The following PAPPA variants were observed in gnomAD, a reference collection of about 807,000 sequenced individuals.
PAPPA encodes the protein pappalysin-1.
In PAPPA, 60 loss-of-function variants were observed where a neutral mutation model predicts 164.0. That is an observed-to-expected ratio of 0.37 (90% CI 0.30 to 0.45). PAPPA has a LOEUF of 0.45. Ranked by LOEUF, PAPPA falls within the 20% of genes least tolerant of loss-of-function variation. PAPPA has a pLI of 1.00. For synonymous variants in PAPPA, 875 were observed against 814.1 expected (o/e 1.07, Z -1.27); for missense variants, 1,782 against 2,087.3 (o/e 0.85, Z 2.85).
chr9:116,162,184 G>A (rs1021612846), intron 1 of PAPPA, among the ~76,000 whole-genome samples: 10 of 152,206 alleles, frequency 6.6e-5, no homozygotes, highest in Admixed American at 3.3e-4. Flanking sequence ...TCTGCAATAA[G>A]AAGCTTTTGA....
At chr9:116,297,438 C>G (rs7021950) in intron 9 of PAPPA, among the ~76,000 whole-genome samples, 6,924 of 152,178 alleles carry the variant, frequency 0.045, 294 homozygotes, top group African/African-American at 0.11. Context: ...TGAGAAGACA[C>G]GAATAATTTA....
At chr9:116,342,640 A>G (rs1167475761) in intron 13 of PAPPA, among the ~76,000 whole-genome samples, 1 of 152,180 alleles carries the variant, frequency 6.6e-6, no homozygotes, top group East Asian at 1.9e-4. Context: ...CGTGAAACTG[A>G]GAGAAAACAA....
intron 9 of PAPPA, chr9:116,286,948 A>C (rs1325183182): frequency 6.6e-6 from 1 of 152,148 alleles, no homozygotes; most frequent in Non-Finnish European, 1.5e-5. Context: ...TAATTAGTGA[A>C]GAGCCAGGTT....
At chr9:116,376,489 C>T (rs542096863) in intron 19 of PAPPA, among the ~76,000 whole-genome samples, 1 of 152,234 alleles carries the variant, frequency 6.6e-6, no homozygotes, top group South Asian at 2.1e-4. Context: ...ATCCTGGTTT[C>T]TCCACCAAAC....
At chr9:116,285,884 G>C (rs1222432164) in intron 9 of PAPPA, 1 of 152,146 alleles carries the variant, frequency 6.6e-6, no homozygotes, top group Non-Finnish European at 1.5e-5. Context: ...GAGCTTTGCT[G>C]GTCTTTAGAG....
intron 20 of PAPPA, among the ~76,000 whole-genome samples, chr9:116,379,133 C>G (rs1341507358): frequency 2.0e-5 from 3 of 152,222 alleles, no homozygotes; most frequent in Admixed American, 6.5e-5. Flanking sequence ...TTGGACTCAG[C>G]AGTGAGACCC....
At chr9:116,219,531 G>A (rs1430006956) in intron 4 of PAPPA, among the ~76,000 whole-genome samples, 1 of 152,136 alleles carries the variant, frequency 6.6e-6, no homozygotes, top group Non-Finnish European at 1.5e-5. Context: ...ATGAATGAAT[G>A]AATGAATGAG....
At chr9:116,224,093 C>G (rs1362944591) in intron 5 of PAPPA, among the ~76,000 whole-genome samples, 1 of 152,156 alleles carries the variant, frequency 6.6e-6, no homozygotes, top group African/African-American at 2.4e-5. Context: ...AACCTCTCGC[C>G]CCTGGCCATC....
At chr9:116,195,427 G>T in intron 2 of PAPPA, among the ~76,000 whole-genome samples, 1 of 152,202 alleles carries the variant, frequency 6.6e-6, no homozygotes, top group Admixed American at 6.5e-5. Context: ...AACAGTAGAA[G>T]ATCAATACAG....
chr9:116,347,117 A>T lies in PAPPA; in HGVS notation c.3872A>T (p.His1291Leu), dbSNP rs780157930. 6.2e-7 allele frequency: 1 copy of T among 1,614,036 alleles called. No individual in the cohort carries two copies. The highest frequency in any genetic ancestry group is 2.2e-5 in the East Asian group (1 of 44,892). ...GTCGACTGCAGCATCCCAGATCACC[A>T]TCAAGTCTATGCTGCCTCCTTCTCC... is the stretch of plus-strand genomic sequence containing the variant. ...EPVDCSIPDH[H>L]QVYAASFSCP... The change falls in exon 15 of 22, where the codon CAT becomes CTT. Residue 1291 changes from histidine (H) to leucine (L), a missense_variant. By Grantham distance (99) the His-to-Leu change is moderately conservative. Coordinates refer to ENST00000328252, the MANE Select transcript of PAPPA (RefSeq NM_002581.5). This position sits in a 1 kb window ranked among gnomAD's most constrained non-coding sequence, Gnocchi z 4.5.
chr9:116,265,939 A>G lies in PAPPA; in HGVS notation c.2815A>G (p.Thr939Ala), dbSNP rs766202163. ...AGAGAGTGAGCCATCACCTGCTGTCACATACATCCATGGAAGTGGGTACTG... is the reference window on the plus strand; with the variant it reads ...AGAGAGTGAGCCATCACCTGCTGTCGCATACATCCATGGAAGTGGGTACTG... ...TEESEPSPAV[T>A]YIHGSGYCGD... Residue 939 changes from threonine (T) to alanine (A), a missense_variant, in exon 8 of 22, where the codon ACA (threonine) becomes GCA (alanine). By Grantham distance (58) the Thr-to-Ala change is moderately conservative (BLOSUM62 0). Around this residue, in one of 2 missense-constraint regions of PAPPA, gnomAD observed 1,324 missense variants for 1,656.9 expected, o/e 0.80. Transcript: ENST00000328252. 9.3e-6 allele frequency: 15 copies of G among 1,613,006 alleles called. No homozygotes were observed. Among genetic ancestry groups the G allele is most frequent in the Non-Finnish European group, 1.3e-5 (15 of 1,179,126 alleles).
intron 15 of PAPPA, 108 bp from the exon 16 acceptor site, chr9:116,352,598 T>G: frequency 1.2e-6 from 1 of 832,668 alleles, no homozygotes; most frequent in Non-Finnish European, 2.0e-6. Flanking sequence ...GAATTCCACA[T>G]AAGGGATCTC....
chr9:116,345,070 A>G (rs1456425933), intron 14 of PAPPA, among the ~76,000 whole-genome samples: 2 of 152,238 alleles, frequency 1.3e-5, no homozygotes, highest in East Asian at 3.9e-4. Flanking sequence ...CCCTCTGTCA[A>G]TGAGATGCTC....
At chr9:116,158,516 C>T (rs1423804183) in intron 1 of PAPPA, among the ~76,000 whole-genome samples, 2 of 152,206 alleles carry the variant, frequency 1.3e-5, no homozygotes, top group Non-Finnish European at 2.9e-5. Flanking sequence ...TCACCTTCCT[C>T]ATGTACAGAG....
intron 21 of PAPPA, among the ~76,000 whole-genome samples, chr9:116,393,320 C>T (rs1478073374): frequency 2.0e-5 from 3 of 152,192 alleles, no homozygotes; most frequent in Non-Finnish European, 4.4e-5. Flanking sequence ...TTATTATAGG[C>T]AGGGAAACAA....
At chr9:116,353,016 A>G in intron 16 of PAPPA, 100 bp downstream of exon 16, 2 of 824,408 alleles carry the variant, frequency 2.4e-6, no homozygotes, top group Non-Finnish European at 4.1e-6. Context: ...CACTGGAGGT[A>G]ATGACTGCCA....
In PAPPA at chr9:116,402,009, C is replaced by A. The variant is rs1847064727; in HGVS notation, c.*5393C>A. On this transcript the variant is annotated 3_prime_UTR_variant, in exon 22 of 22. Transcript: ENST00000328252. ...GTGTTTTTATGGATCTAAGTTAAATCTTTTGGCAATATATAAAAATGTAAA... is the reference window on the plus strand; with the variant it reads ...GTGTTTTTATGGATCTAAGTTAAATATTTTGGCAATATATAAAAATGTAAA... 1 of 152,120 alleles carries A rather than the reference C, an allele frequency of 6.6e-6. No individual in the cohort carries two copies. The allele number at this position is 152,120 out of a possible 1,614,324, so 9.4% of individuals were successfully genotyped here. A position where few individuals can be genotyped will look rare whatever the true frequency, so the allele number is the denominator to read the frequency against.
chr9:116,338,203 A>G (rs1846086168), intron 13 of PAPPA, among the ~76,000 whole-genome samples: 2 of 152,076 alleles, frequency 1.3e-5, no homozygotes, highest in Admixed American at 6.5e-5. Flanking sequence ...TCCTCCCTCC[A>G]TTTATTCTTC....
intron 6 of PAPPA, among the ~76,000 whole-genome samples, chr9:116,231,111 G>A (rs1462148166): frequency 6.6e-6 from 1 of 151,802 alleles, no homozygotes; most frequent in Non-Finnish European, 1.5e-5. Flanking sequence ...TGCCTGTATA[G>A]TGCTTCACAA....
Sources: allele counts gnomAD v4.1 joint callset (sites outside exome capture counted in the v4.1 genomes callset), GRCh38; gene constraint gnomAD v4.1.1; regional missense constraint gnomAD v4.1.1; non-coding constraint Gnocchi (gnomAD v3.1); transcripts MANE v1.5; gene names NCBI Gene and HGNC (gene_info 2026-07-23, HGNC 2026-07-21).